SATB2: variants seen among roughly 807,000 people sequenced by gnomAD.
The protein encoded by SATB2 is DNA-binding protein SATB2.
Under a neutral mutation model 73.4 loss-of-function variants are expected in SATB2, and 1 was observed. The observed-to-expected ratio is 0.01, with a 90% confidence interval of 0.00 to 0.06. SATB2 has a LOEUF of 0.06. Ranked by LOEUF, SATB2 falls within the 10% of genes least tolerant of loss-of-function variation. SATB2 has a pLI of 1.00. For synonymous variants in SATB2, 397 were observed against 367.0 expected, an observed-to-expected ratio of 1.08 and a Z score of -0.93; for missense variants, 459 against 945.8, an observed-to-expected ratio of 0.49 and a Z score of 6.75.
intron 3 of SATB2, among the ~76,000 whole-genome samples, chr2:199,430,490 ATG>A (rs1396300895): frequency 6.6e-6 from 1 of 152,200 alleles, no homozygotes; most frequent in Admixed American, 6.5e-5. Context: ...AGTTAACAGA[ATG>A]TGTGTTGGGA....
intron 7 of SATB2, among the ~76,000 whole-genome samples, chr2:199,346,041 T>C (rs971525683): frequency 6.6e-6 from 1 of 152,112 alleles, no homozygotes; most frequent in African/African-American, 2.4e-5. Flanking sequence ...CCAAAAAGAG[T>C]AGTTTTTCCC....
chr2:199,400,061 T>G (rs1428711780), intron 3 of SATB2, among the ~76,000 whole-genome samples: 2 of 152,212 alleles, frequency 1.3e-5, no homozygotes, highest in African/African-American at 4.8e-5. Context: ...TCTTATCCTC[T>G]GGAGAATGCT....
upstream of SATB2, among the ~76,000 whole-genome samples, chr2:199,465,956 G>A (rs1393590853): frequency 2.6e-5 from 4 of 152,150 alleles, no homozygotes; most frequent in South Asian, 8.3e-4. Context: ...GAAGTTACCA[G>A]GAACCCACCC....
chr2:199,421,626 C>T (rs184900784), intron 3 of SATB2, among the ~76,000 whole-genome samples: 8 of 152,224 alleles, frequency 5.3e-5, no homozygotes, highest in Admixed American at 3.3e-4. Flanking sequence ...GTAACCAACC[C>T]GCACAATACT....
At chr2:199,302,157 T>C (rs1421953521) in intron 10 of SATB2, among the ~76,000 whole-genome samples, 1 of 152,204 alleles carries the variant, frequency 6.6e-6, no homozygotes, top group Non-Finnish European at 1.5e-5. Context: ...TTAGAGTTTT[T>C]AAAAATCTCT....
intron 7 of SATB2, among the ~76,000 whole-genome samples, chr2:199,331,784 T>C (rs1446278451): frequency 6.6e-6 from 1 of 152,082 alleles, no homozygotes; most frequent in African/African-American, 2.4e-5. Context: ...CAGAAGAAAA[T>C]AGACAGCATA....
At chr2:199,288,594 G>C (rs1439374454) in intron 10 of SATB2, among the ~76,000 whole-genome samples, 1 of 152,138 alleles carries the variant, frequency 6.6e-6, no homozygotes, top group African/African-American at 2.4e-5. Context: ...GAAAATATTA[G>C]ATGTTCACCA....
chr2:199,451,936 C>CT (rs1181819097), intron 2 of SATB2, among the ~76,000 whole-genome samples: 1 of 151,916 alleles, frequency 6.6e-6, no homozygotes, highest in East Asian at 1.9e-4. Flanking sequence ...TTCAGGTAGA[C>CT]TAGTTATAAG....
intron 8 of SATB2, among the ~76,000 whole-genome samples, chr2:199,324,461 C>T (rs1244686415): frequency 1.3e-5 from 2 of 152,098 alleles, no homozygotes; most frequent in Non-Finnish European, 2.9e-5. Context: ...GGTTTCCCAT[C>T]ATTATCATCA....
chr2:199,419,614 T>TA, intron 3 of SATB2, among the ~76,000 whole-genome samples: 1 of 152,184 alleles, frequency 6.6e-6, no homozygotes, highest in Non-Finnish European at 1.5e-5. Context: ...GTTCCTGTCA[T>TA]CTTGTAGCAT....
intron 3 of SATB2, among the ~76,000 whole-genome samples, chr2:199,431,020 T>G (rs916227084): frequency 4.6e-5 from 7 of 152,240 alleles, no homozygotes; most frequent in Non-Finnish European, 8.8e-5. Context: ...CTGCCATTTC[T>G]CTGCTTTAAA....
intron 3 of SATB2, among the ~76,000 whole-genome samples, chr2:199,429,681 G>C (rs1691441766): frequency 6.6e-6 from 1 of 152,186 alleles, no homozygotes; most frequent in Non-Finnish European, 1.5e-5. Flanking sequence ...AGGCCGAGGT[G>C]GGCGGATCAC....
At chr2:199,403,818 A>C (rs1030799160) in intron 3 of SATB2, among the ~76,000 whole-genome samples, 1 of 152,186 alleles carries the variant, frequency 6.6e-6, no homozygotes, top group African/African-American at 2.4e-5. Context: ...CAACAAATTA[A>C]ATCAATCTGG....
At chr2:199,462,607 A>G (rs546031062), upstream of SATB2, among the ~76,000 whole-genome samples, 3 of 152,034 alleles carry the variant, frequency 2.0e-5, no homozygotes, top group Non-Finnish European at 4.4e-5. The surrounding 1 kb of genome is among the most constrained non-coding windows in gnomAD (Gnocchi z 5.9). Flanking sequence ...GACAAATCCC[A>G]ACCCGCGCCA....
At chr2:199,351,193 C>T (rs1306871751) in intron 6 of SATB2, among the ~76,000 whole-genome samples, 1 of 145,640 alleles carries the variant, frequency 6.9e-6, no homozygotes, top group African/African-American at 2.5e-5. Context: ...CAGAGTTTCA[C>T]TCTTGTTGCC....
At chr2:199,401,008 T>TA (rs1690456444) in intron 3 of SATB2, among the ~76,000 whole-genome samples, 1 of 152,200 alleles carries the variant, frequency 6.6e-6, no homozygotes, top group South Asian at 2.1e-4. Flanking sequence ...TTCAATCAGG[T>TA]GTATTTTGTT....
At chr2:199,339,511 G>A (rs193173709) in intron 7 of SATB2, among the ~76,000 whole-genome samples, 14 of 152,140 alleles carry the variant, frequency 9.2e-5, no homozygotes, top group African/African-American at 1.9e-4. Flanking sequence ...CTTGATCTGC[G>A]GCATTTCATA....
chr2:199,382,747 T>C (rs1319938614), intron 3 of SATB2, among the ~76,000 whole-genome samples: 1 of 152,144 alleles, frequency 6.6e-6, no homozygotes, highest in East Asian at 1.9e-4. Context: ...TAACAAAAAT[T>C]TTATTTGTAG....
intron 10 of SATB2, among the ~76,000 whole-genome samples, chr2:199,273,773 A>AT (rs1432489764): frequency 6.6e-6 from 1 of 152,014 alleles, no homozygotes; most frequent in Non-Finnish European, 1.5e-5. Context: ...AATTTAAATA[A>AT]TTTTTCTTTT....
Sources: allele counts gnomAD v4.1 joint callset (sites outside exome capture counted in the v4.1 genomes callset), GRCh38; gene constraint gnomAD v4.1.1; non-coding constraint Gnocchi (gnomAD v3.1); transcripts MANE v1.5; gene names NCBI Gene and HGNC (gene_info 2026-07-23, HGNC 2026-07-21).